TBC1D9: variants seen among roughly 807,000 people sequenced by gnomAD.
TBC1D9 encodes TBC1 domain family member 9A.
Under a neutral mutation model 132.0 loss-of-function variants are expected in TBC1D9, and 63 were observed. The observed-to-expected ratio is 0.48, with a 90% CI of 0.39 to 0.59. The LOEUF is 0.59. TBC1D9 is among the 20% of genes least tolerant of loss of function. The pLI is 0.00. For synonymous variants in TBC1D9, 610 were observed against 609.9 expected (o/e 1.00, Z 0.00); for missense variants, 1,261 against 1,592.7 (o/e 0.79, Z 3.54).
chr4:140,657,768 A>G lies in TBC1D9; in HGVS notation c.1966T>C (p.Tyr656His), dbSNP rs757514395. ...ATGCAGTCGTACAGCTGTGGGACGT[A>G]GTCTCGTGCTAGCTCCTCAAAGACA... ...QGVFEELARD[Y>H]VPQLYDCMQD... Residue 656 changes from tyrosine (Y) to histidine (H), a missense_variant, in exon 12 of 21, where the codon TAC becomes CAC. This residue lies in a region of TBC1D9 where 93 missense variants were observed against 169.2 expected (regional missense o/e 0.55). Transcript: ENST00000442267. 4 of 1,613,952 alleles carry G rather than the reference A, an allele frequency of 2.5e-6. No homozygotes were observed. The highest frequency in any genetic ancestry group is 3.4e-6 in the Non-Finnish European group (4 of 1,179,868).
intron 9 of TBC1D9, 59 bp downstream of exon 9, chr4:140,668,858 G>A (rs1159776895): frequency 1.2e-5 from 19 of 1,583,658 alleles, no homozygotes; most frequent in Non-Finnish European, 1.5e-5. Context: ...GGCACAGGGA[G>A]GCCCTGGTGT....
chr4:140,755,990 C>G lies in TBC1D9; in HGVS notation c.56G>C (p.Arg19Thr). ...LLANALWITE[R>T]ANPYFILQRR... is the part of the protein sequence containing the mutation. Reference sequence around the variant, plus strand: ...CTGCAGGATGAAGTATGGGTTGGCCCTCTCGGTGATCCACAGCGCGTTGGC... The same window carrying G: ...CTGCAGGATGAAGTATGGGTTGGCCGTCTCGGTGATCCACAGCGCGTTGGC... Residue 19 changes from arginine (R) to threonine (T), a missense_variant, in exon 1 of 21, where the codon AGG becomes ACG. Transcript: ENST00000442267. 6.2e-7 allele frequency: 1 copy of G among 1,609,248 alleles called. No homozygotes were observed. Among genetic ancestry groups the G allele is most frequent in the South Asian group, 1.1e-5 (1 of 90,480 alleles).
chr4:140,707,048 C>T (rs1347394199), intron 1 of TBC1D9, among the ~76,000 whole-genome samples: 1 of 152,092 alleles, frequency 6.6e-6, no homozygotes, highest in African/African-American at 2.4e-5. Context: ...TTAGATATTA[C>T]AAAATTGCTC....
intron 9 of TBC1D9, among the ~76,000 whole-genome samples, chr4:140,666,870 G>T (rs901520328): frequency 1.3e-5 from 2 of 152,034 alleles, no homozygotes; most frequent in African/African-American, 4.8e-5. Context: ...ATTCAGAAAA[G>T]TGGAGCCCCA....
At chr4:140,747,479 T>A (rs1048537477) in intron 1 of TBC1D9, among the ~76,000 whole-genome samples, 1 of 152,180 alleles carries the variant, frequency 6.6e-6, no homozygotes, top group Non-Finnish European at 1.5e-5. Context: ...AATAATAGCA[T>A]CTACCTTATA....
intron 13 of TBC1D9, chr4:140,642,935 C>G (rs2110981267): frequency 1.6e-6 from 1 of 613,348 alleles, no homozygotes; most frequent in East Asian, 2.8e-5. Flanking sequence ...GCAGCTTCAC[C>G]AGCTCATGCT....
chr4:140,639,583 C>CCA (rs3841550), intron 13 of TBC1D9, among the ~76,000 whole-genome samples, 155 bp from the exon 14 acceptor site: 20,897 of 152,150 alleles, frequency 0.14, 1,508 homozygotes, highest in South Asian at 0.15. Context: ...TGTTTTAAAG[C>CCA]CACCGAGCAA....
intron 3 of TBC1D9, among the ~76,000 whole-genome samples, chr4:140,682,881 A>AATTT (rs751975819): frequency 1.3e-5 from 2 of 152,026 alleles, no homozygotes; most frequent in Non-Finnish European, 2.9e-5. Context: ...GTGCTCACTG[A>AATTT]ATTTATTTAT....
At chr4:140,630,463 C>T (rs1462290859) in intron 16 of TBC1D9, among the ~76,000 whole-genome samples, 1 of 152,188 alleles carries the variant, frequency 6.6e-6, no homozygotes, top group Non-Finnish European at 1.5e-5. Flanking sequence ...CATTGTCTGT[C>T]ACCTCTTGAT....
intron 13 of TBC1D9, among the ~76,000 whole-genome samples, chr4:140,647,949 G>A (rs528869998): frequency 1.4e-3 from 215 of 152,204 alleles, no homozygotes; most frequent in Middle Eastern, 3.4e-3. Flanking sequence ...CCCGACTTTG[G>A]GAGGGGCTCT....
At chr4:140,628,260 T>C (rs762404461) in intron 17 of TBC1D9, 40 bp downstream of exon 17, 7 of 1,602,136 alleles carry the variant, frequency 4.4e-6, no homozygotes, top group Admixed American at 1.7e-5. Flanking sequence ...AGCCAGGTCA[T>C]GGTTACAGAC....
chr4:140,644,289 C>T (rs1023309502), intron 13 of TBC1D9: 60 of 293,122 alleles, frequency 2.0e-4, no homozygotes, highest in Admixed American at 9.5e-5. Context: ...CTCTTCCTTG[C>T]GGGTGATACC....
chr4:140,690,031 T>C (rs1308211076), intron 2 of TBC1D9, among the ~76,000 whole-genome samples: 1 of 151,758 alleles, frequency 6.6e-6, no homozygotes, highest in African/African-American at 2.4e-5. Flanking sequence ...CTGTGTGCTT[T>C]ATGCATAAAG....
intron 6 of TBC1D9, among the ~76,000 whole-genome samples, chr4:140,674,727 C>A (rs1434825995): frequency 6.6e-6 from 1 of 151,156 alleles, no homozygotes; most frequent in East Asian, 1.9e-4. Flanking sequence ...GAGATAAGGT[C>A]TTGCTCTGTC....
rs544786841 is a variant in TBC1D9 at position 140,720,208 on chromosome 4, T to A, written c.131-18594A>T. Among the ~76,000 whole-genome samples the A allele has an allele frequency of 2.6e-5, 4 of 152,252 alleles. No homozygotes were observed. The East Asian group carries it at 7.7e-4, about 29-fold the overall frequency. On this transcript the variant is annotated intron_variant, in intron 1 of 20. Transcript: ENST00000442267. Reference sequence around the variant, plus strand: ...CATCAGCTCAATAGCAAGGGAGTGCTTGAAAGGTTTGGGATAGACATCAGA... The same window carrying A: ...CATCAGCTCAATAGCAAGGGAGTGCATGAAAGGTTTGGGATAGACATCAGA...
intron 1 of TBC1D9, 91 bp downstream of exon 1, chr4:140,755,825 G>A (rs773878644): frequency 4.3e-4 from 596 of 1,371,314 alleles, no homozygotes; most frequent in Middle Eastern, 1.0e-3. Context: ...CCAGGGGACC[G>A]GGCGGCGTCT....
rs1409159166 is a variant in TBC1D9, at chr4:140,644,481, G to T, written c.2338-5053C>A. On this transcript the variant is annotated intron_variant, in intron 13 of 20. Coordinates refer to ENST00000442267, the MANE Select transcript of TBC1D9 (RefSeq NM_015130.3). Reference sequence around the variant, plus strand: ...GCTCACCGCCTTGCCATAGATGCTCGCAGGGCCGGCAGCCAGGCGGGGGGC... The same window carrying T: ...GCTCACCGCCTTGCCATAGATGCTCTCAGGGCCGGCAGCCAGGCGGGGGGC... The T allele has an allele frequency of 1.0e-5, 3 of 298,680 alleles. No individual in the cohort carries two copies. The East Asian group carries it at 3.9e-4, about 39-fold the overall frequency. The allele number at this position is 298,680 out of a possible 1,614,324, so 18.5% of individuals were successfully genotyped here.
At chr4:140,748,228 T>TA (rs1422284689) in intron 1 of TBC1D9, among the ~76,000 whole-genome samples, 2 of 152,240 alleles carry the variant, frequency 1.3e-5, no homozygotes, top group South Asian at 4.1e-4. Flanking sequence ...ATATTTAATT[T>TA]AAAAAAATAA....
chr4:140,727,051 A>G (rs1289250098), intron 1 of TBC1D9, among the ~76,000 whole-genome samples: 1 of 152,226 alleles, frequency 6.6e-6, no homozygotes, highest in Non-Finnish European at 1.5e-5. Flanking sequence ...AACTTGTATC[A>G]AGGTTATCTT....
Sources: gnomAD v4.1 joint callset for allele counts (sites outside exome capture counted in the v4.1 genomes callset) on GRCh38, gnomAD v4.1.1 for gene constraint, gnomAD v4.1.1 regional missense constraint, MANE v1.5 for transcripts, NCBI Gene and HGNC (gene_info 2026-07-23, HGNC 2026-07-21) for gene names.